The following TTC28 variants were observed in gnomAD, a reference collection of about 807,000 sequenced individuals.
The protein encoded by TTC28 is tetratricopeptide repeat domain 28.
A neutral mutation model predicts 198.0 loss-of-function variants in TTC28; 61 were observed. The observed-to-expected ratio is 0.31, with a 90% CI of 0.25 to 0.38. The LOEUF is 0.38. TTC28 is among the 10% of genes least tolerant of loss of function. The pLI is 1.00. For synonymous variants in TTC28, 1,171 were observed against 1,297.8 expected (o/e 0.90, Z 2.10); for missense variants, 2,678 against 3,164.0 (o/e 0.85, Z 3.69).
intron 5 of TTC28, among the ~76,000 whole-genome samples, chr22:28,225,260 C>A (rs551804416): frequency 6.6e-6 from 1 of 151,642 alleles, no homozygotes; most frequent in East Asian, 1.9e-4. Flanking sequence ...GAGGCTGAGG[C>A]AGAAGAATTG....
intron 13 of TTC28, among the ~76,000 whole-genome samples, chr22:28,016,608 T>C (rs1938390250): frequency 6.6e-6 from 1 of 152,038 alleles, no homozygotes; most frequent in Admixed American, 6.6e-5. Flanking sequence ...CAGCTGGGGG[T>C]GACCAGGGGG....
chr22:28,037,244 C>T (rs1038286340), intron 12 of TTC28, among the ~76,000 whole-genome samples: 5 of 152,174 alleles, frequency 3.3e-5, no homozygotes, highest in Admixed American at 6.5e-5. Flanking sequence ...ATATCCCTGA[C>T]GACCATCGAC....
At chr22:28,590,179 G>A (rs1260491334) in intron 2 of TTC28, among the ~76,000 whole-genome samples, 1 of 146,974 alleles carries the variant, frequency 6.8e-6, no homozygotes, top group Non-Finnish European at 1.5e-5. Flanking sequence ...CCAGGCTGGA[G>A]TGCAGCGGCG....
Position 28,094,235 on chromosome 22 carries a change from C to G in TTC28, c.3777G>C (p.Lys1259Asn), listed in dbSNP as rs1941903931. ...WLLAPGAGIV[K>N]FHEHYLGENT... ...TCTCACCCAGGTAGTGTTCATGAAA[C>G]TTCACAATTCCTGAAGCAAAACAGG... The change falls in exon 12 of 23, where the codon AAG (lysine) becomes AAC (asparagine). Residue 1259 changes from lysine to asparagine, a missense_variant. Coordinates refer to ENST00000397906, the MANE Select transcript of TTC28 (RefSeq NM_001145418.2). 1 of 1,542,824 alleles carries G rather than the reference C, an allele frequency of 6.5e-7. No homozygotes were observed. Among genetic ancestry groups the G allele is most frequent in the Admixed American group, 2.1e-5 (1 of 48,762 alleles).
At chr22:28,659,322 G>A (rs548923407) in intron 1 of TTC28, among the ~76,000 whole-genome samples, 3 of 152,130 alleles carry the variant, frequency 2.0e-5, no homozygotes, top group Non-Finnish European at 4.4e-5. Context: ...AGGATGAAGT[G>A]CAGTGGCACG....
In TTC28 at chr22:28,107,499, C is replaced by G; in HGVS notation, c.2346G>C (p.Glu782Asp). Residue 782 changes from glutamate to aspartate, a missense_variant, in exon 7 of 23, where the codon GAG (glutamate) becomes GAC (aspartate). Coordinates refer to ENST00000397906, the MANE Select transcript of TTC28 (RefSeq NM_001145418.2). ...KALGYHTQEL[E>D]VYQELSDLPG... ...GCAAGTCACTCAGCTCCTGATATACCTCCAGTTCCTGTGTGTGATAACCCA... is the reference window on the plus strand; with the variant it reads ...GCAAGTCACTCAGCTCCTGATATACGTCCAGTTCCTGTGTGTGATAACCCA... The G allele has an allele frequency of 6.4e-7, 1 of 1,551,764 alleles. No homozygotes were observed. The highest frequency in any genetic ancestry group is 8.7e-7 in the Non-Finnish European group (1 of 1,147,012).
intron 2 of TTC28, among the ~76,000 whole-genome samples, chr22:28,520,826 G>A (rs992632501): frequency 2.0e-5 from 3 of 152,002 alleles, no homozygotes; most frequent in Admixed American, 1.3e-4. Context: ...GCTGAGGCGG[G>A]CAGATCACTT....
At chr22:28,097,510 C>A (rs1207570774) in intron 10 of TTC28, among the ~76,000 whole-genome samples, 1 of 152,290 alleles carries the variant, frequency 6.6e-6, no homozygotes, top group Admixed American at 6.5e-5. Flanking sequence ...AATTTTGAAT[C>A]CCACTTTCCT....
intron 1 of TTC28, chr22:28,643,192 C>T (rs2051397364): frequency 6.6e-6 from 1 of 152,198 alleles, no homozygotes; most frequent in Non-Finnish European, 1.5e-5. Flanking sequence ...CTATAACCTA[C>T]AACTCCTAGG....
At position 28,398,739 on chromosome 22, in the gene TTC28, C is replaced by T. The variant is rs569540122; in HGVS notation, c.382-92096G>A. Among the ~76,000 whole-genome samples the T allele has an allele frequency of 3.2e-4, 49 of 152,284 alleles. 1 individual carries two copies. The South Asian group carries it at 9.5e-3, about 30-fold the overall frequency. On this transcript the variant is annotated intron_variant, in intron 2 of 22. Coordinates refer to ENST00000397906, the MANE Select transcript of TTC28 (RefSeq NM_001145418.2). ...TTTTTCAAGGTAATTTTGACTATTT[C>T]ATTTTTCACTTTATATGCTAACTTT... is the stretch of plus-strand genomic sequence containing the variant.
chr22:28,509,326 AATCAT>A (rs2048656595), intron 2 of TTC28, among the ~76,000 whole-genome samples: 2 of 152,356 alleles, frequency 1.3e-5, no homozygotes. Flanking sequence ...AAAGAACTCA[AATCAT>A]AACAGTCTCT....
intron 5 of TTC28, among the ~76,000 whole-genome samples, chr22:28,242,607 G>A (rs1434756933): frequency 6.6e-6 from 1 of 152,220 alleles, no homozygotes; most frequent in East Asian, 1.9e-4. Context: ...TTAAAGAAAA[G>A]TCATTTGTTC....
At chr22:28,419,439 A>G (rs2047215660) in intron 2 of TTC28, among the ~76,000 whole-genome samples, 1 of 152,196 alleles carries the variant, frequency 6.6e-6, no homozygotes, top group Non-Finnish European at 1.5e-5. Flanking sequence ...TCCTATGTAA[A>G]TATCTGTATC....
In TTC28 at chr22:28,257,449, G is replaced by A. The variant is rs189072390; in HGVS notation, c.933+38749C>T. On this transcript the variant is annotated intron_variant, in intron 5 of 22. Transcript: ENST00000397906. ...TAAAAAGAAGGGAATTCTGTAATTT[G>A]CAGCAACATGGATACAACTAGAAGA... Among the ~76,000 whole-genome samples the A allele has an allele frequency of 1.4e-3, 216 of 152,080 alleles. 1 individual carries two copies. Among genetic ancestry groups the A allele is most frequent in the Admixed American group, 2.3e-3 (35 of 15,262 alleles).
chr22:28,159,687 C>T (rs938906131), intron 6 of TTC28, among the ~76,000 whole-genome samples: 1 of 151,618 alleles, frequency 6.6e-6, no homozygotes, highest in Non-Finnish European at 1.5e-5. Context: ...ATAGAGCTAC[C>T]ATATGATTCA....
chr22:27,999,564 G>A, intron 15 of TTC28: 1 of 358,666 alleles, frequency 2.8e-6, no homozygotes, highest in Non-Finnish European at 5.1e-6. Flanking sequence ...TGGAACCCAG[G>A]ACAGCCAGCC....
At chr22:28,521,790 G>C (rs1426688240) in intron 2 of TTC28, among the ~76,000 whole-genome samples, 4 of 152,186 alleles carry the variant, frequency 2.6e-5, no homozygotes, top group Non-Finnish European at 1.5e-5. Context: ...ATAGGAGGCT[G>C]AGCAGGAAAT....
intron 1 of TTC28, among the ~76,000 whole-genome samples, chr22:28,637,052 A>C (rs527837614): frequency 0.011 from 1,376 of 130,002 alleles, 24 homozygotes; most frequent in African/African-American, 0.038. Flanking sequence ...TCTGTCGCCC[A>C]GGCTGGAGTG....
intron 2 of TTC28, among the ~76,000 whole-genome samples, chr22:28,456,686 C>T (rs558715148): frequency 6.6e-6 from 1 of 152,286 alleles, no homozygotes; most frequent in African/African-American, 2.4e-5. Context: ...AGCGATTCTC[C>T]TGCCTCAGCC....
Sources: allele counts gnomAD v4.1 joint callset (sites outside exome capture counted in the v4.1 genomes callset), GRCh38; gene constraint gnomAD v4.1.1; transcripts MANE v1.5; gene names NCBI Gene and HGNC (gene_info 2026-07-23, HGNC 2026-07-21).